The following KDM4C variants were observed in gnomAD, a reference collection of about 807,000 sequenced individuals.
The protein encoded by KDM4C is lysine demethylase 4C.
A neutral mutation model predicts 129.3 loss-of-function variants in KDM4C; 81 were observed. The ratio of observed to expected loss-of-function variants is 0.63; its 90% CI spans 0.52 to 0.75. The LOEUF is 0.75. KDM4C is among the 30% of genes least tolerant of loss of function. The pLI is 0.00. For synonymous variants in KDM4C, 573 were observed against 456.1 expected (o/e 1.26, Z -3.26); for missense variants, 1,457 against 1,304.0 (o/e 1.12, Z -1.81).
At chr9:6,800,620 T>A (rs544276023) in intron 2 of KDM4C, among the ~76,000 whole-genome samples, 33 of 152,306 alleles carry the variant, frequency 2.2e-4, no homozygotes, top group East Asian at 2.1e-3. Flanking sequence ...TTTTATTTTT[T>A]AATTTATTTT....
At chr9:6,786,089 T>C (rs945963664) in intron 1 of KDM4C, among the ~76,000 whole-genome samples, 2 of 152,108 alleles carry the variant, frequency 1.3e-5, no homozygotes, top group Non-Finnish European at 2.9e-5. Context: ...TAATACACAA[T>C]GAGAGCTGTC....
At chr9:6,805,429 G>A (rs570521457) in intron 2 of KDM4C, among the ~76,000 whole-genome samples, 170 bp from the exon 3 acceptor site, 1 of 150,362 alleles carries the variant, frequency 6.7e-6, no homozygotes, top group Admixed American at 6.6e-5. Context: ...TTTTGCTATT[G>A]AATAACATCA....
intron 5 of KDM4C, among the ~76,000 whole-genome samples, chr9:6,860,557 C>T (rs1226215190): frequency 1.3e-5 from 2 of 152,084 alleles, no homozygotes; most frequent in Non-Finnish European, 2.9e-5. Context: ...CAACCAACCC[C>T]CATGACATGA....
rs144864626 is a variant in KDM4C, at chr9:6,924,726, A to C, written c.921+31494A>C. ...GTGTCATCCTGGGAAACTCCTGTGGATTTTGTCTGAGGAGTTTTTATTAAA... is the reference window on the plus strand; with the variant it reads ...GTGTCATCCTGGGAAACTCCTGTGGCTTTTGTCTGAGGAGTTTTTATTAAA... On this transcript the variant is annotated intron_variant, in intron 8 of 21. Coordinates refer to ENST00000381309, the MANE Select transcript of KDM4C (RefSeq NM_015061.6). 6.6e-5 allele frequency: 65 copies of C among 979,054 alleles called. No individual in the cohort carries two copies. In the East Asian group the frequency reaches 5.6e-3, roughly 84 times the overall value. The allele number at this position is 979,054 out of a possible 1,614,324, so 60.6% of individuals were successfully genotyped here. A position where few individuals can be genotyped will look rare whatever the true frequency, so the allele number is the denominator to read the frequency against.
rs1258630185 is a variant in KDM4C at position 6,948,953 on chromosome 9, G to A, written c.922-31972G>A. 2.0e-5 allele frequency among the ~76,000 whole-genome samples: 3 copies of A among 150,496 alleles called. No individual in the cohort carries two copies. The South Asian group carries it at 6.2e-4, about 31-fold the overall frequency. On this transcript the variant is annotated intron_variant, in intron 8 of 21. Coordinates refer to ENST00000381309, the MANE Select transcript of KDM4C (RefSeq NM_015061.6). ...CACATTTCCCCCTTCTCTATTCGAC[G>A]AAACCGCCATCGTCATCATGGCCCG...
chr9:6,800,953 C>T (rs1046086465), intron 2 of KDM4C, among the ~76,000 whole-genome samples: 5 of 151,996 alleles, frequency 3.3e-5, no homozygotes, highest in Non-Finnish European at 5.9e-5. Context: ...AACAAACATA[C>T]GTTGGAGGAT....
intron 8 of KDM4C, among the ~76,000 whole-genome samples, chr9:6,976,340 G>C (rs1311744255): frequency 1.3e-5 from 2 of 152,154 alleles, no homozygotes; most frequent in Non-Finnish European, 2.9e-5. Context: ...AGAAATAACT[G>C]TTAATAATAG....
At chr9:6,863,424 C>T (rs1280620309) in intron 5 of KDM4C, among the ~76,000 whole-genome samples, 1 of 152,062 alleles carries the variant, frequency 6.6e-6, no homozygotes, top group African/African-American at 2.4e-5. Context: ...TAGGCTTCTG[C>T]ATCTGGTGAG....
chr9:6,951,885 T>C (rs1828216992), intron 8 of KDM4C, among the ~76,000 whole-genome samples: 1 of 152,222 alleles, frequency 6.6e-6, no homozygotes, highest in Non-Finnish European at 1.5e-5. Context: ...GTTATAAATA[T>C]ATGATTATGA....
intron 18 of KDM4C, among the ~76,000 whole-genome samples, chr9:7,111,661 C>G (rs1453167574): frequency 6.6e-6 from 1 of 152,068 alleles, no homozygotes; most frequent in Middle Eastern, 3.2e-3. Flanking sequence ...CTGAGGAAGG[C>G]TGAAGAGTTC....
chr9:6,807,292 C>T (rs1370697161), intron 3 of KDM4C, among the ~76,000 whole-genome samples: 1 of 151,820 alleles, frequency 6.6e-6, no homozygotes, highest in Middle Eastern at 3.2e-3. Context: ...GCAGCCTCTG[C>T]CCAGCCGCCA....
chr9:7,151,100 C>T (rs1842686998), intron 19 of KDM4C, among the ~76,000 whole-genome samples: 1 of 151,086 alleles, frequency 6.6e-6, no homozygotes, highest in East Asian at 2.0e-4. Flanking sequence ...CTTTTGAGGG[C>T]AGGAGTTCAA....
intron 8 of KDM4C, among the ~76,000 whole-genome samples, chr9:6,948,396 A>T (rs1827352335): frequency 6.6e-6 from 1 of 151,788 alleles, no homozygotes; most frequent in African/African-American, 2.4e-5. Context: ...ATACGTACTT[A>T]TAAAAGTGAC....
chr9:6,834,738 A>C (rs964885720), intron 4 of KDM4C: 2 of 990,578 alleles, frequency 2.0e-6, no homozygotes, highest in African/African-American at 3.2e-5. Context: ...AGGGAGCTGC[A>C]TGTGGTTCCC....
chr9:6,859,808 C>G (rs1033221254), intron 5 of KDM4C, among the ~76,000 whole-genome samples: 13 of 144,930 alleles, frequency 9.0e-5, no homozygotes, highest in Non-Finnish European at 1.5e-4. Flanking sequence ...GAGCTTGTAG[C>G]AAGCCGAGAT....
intron 4 of KDM4C, among the ~76,000 whole-genome samples, chr9:6,819,983 T>A (rs1186526459): frequency 6.6e-6 from 1 of 152,154 alleles, no homozygotes; most frequent in African/African-American, 2.4e-5. Flanking sequence ...CTATTTACCT[T>A]AATCTTAAAA....
At chr9:6,859,769 G>A (rs1004915599) in intron 5 of KDM4C, among the ~76,000 whole-genome samples, 7 of 151,380 alleles carry the variant, frequency 4.6e-5, no homozygotes, top group African/African-American at 2.4e-5. Context: ...GGGAGGTGGG[G>A]CAAGAGAATG....
In KDM4C at chr9:7,091,913, G is replaced by C. The variant is rs116125176; in HGVS notation, c.2425-11772G>C. 1.4e-3 allele frequency among the ~76,000 whole-genome samples: 211 copies of C among 152,296 alleles called. 2 individuals carry two copies. The highest frequency in any genetic ancestry group is 4.8e-3 in the African/African-American group (198 of 41,556). On this transcript the variant is annotated intron_variant, in intron 17 of 21. Coordinates refer to ENST00000381309, the MANE Select transcript of KDM4C (RefSeq NM_015061.6). ...TGTCCTGACACAGGTCTCAGACCCT[G>C]GGCTCAGCACATGCTTCTCTGCGCT...
At chr9:6,873,738 C>A (rs1173093904) in intron 5 of KDM4C, among the ~76,000 whole-genome samples, 1 of 152,170 alleles carries the variant, frequency 6.6e-6, no homozygotes, top group Admixed American at 6.5e-5. Context: ...TCATTGTGTT[C>A]ATTGTTGTAG....
Sources: gnomAD v4.1 joint callset for allele counts (sites outside exome capture counted in the v4.1 genomes callset) on GRCh38, gnomAD v4.1.1 for gene constraint, MANE v1.5 for transcripts, NCBI Gene and HGNC (gene_info 2026-07-23, HGNC 2026-07-21) for gene names.